The following PBX3 variants were observed in gnomAD, a reference collection of about 807,000 sequenced individuals.
The protein encoded by PBX3 is pre-B-cell leukemia transcription factor 3.
PBX3 carries 14 observed loss-of-function variants against 48.5 expected under a neutral mutation model. The ratio of observed to expected loss-of-function variants is 0.29; its 90% confidence interval spans 0.19 to 0.45. The LOEUF (loss-of-function observed/expected upper bound fraction) is 0.45. PBX3 is among the 20% of genes least tolerant of loss of function. PBX3 has a pLI of 1.00. For synonymous variants in PBX3, 210 were observed against 200.3 expected, an observed-to-expected ratio of 1.05 and a Z score of -0.41; for missense variants, 386 against 546.7, an observed-to-expected ratio of 0.71 and a Z score of 2.93.
At chr9:125,780,800 G>A (rs1275344846) in intron 2 of PBX3, among the ~76,000 whole-genome samples, 1 of 148,180 alleles carries the variant, frequency 6.7e-6, no homozygotes, top group Non-Finnish European at 1.5e-5. Flanking sequence ...CCTCCCGGAC[G>A]GGGCGGCTGC....
At chr9:125,833,356 C>T (rs575961498) in intron 2 of PBX3, among the ~76,000 whole-genome samples, 1 of 152,054 alleles carries the variant, frequency 6.6e-6, no homozygotes, top group South Asian at 2.1e-4. Context: ...TGGTGGTGCA[C>T]ACCTGTAGTC....
intron 2 of PBX3, among the ~76,000 whole-genome samples, chr9:125,882,011 G>A (rs1588255320): frequency 1.3e-5 from 2 of 151,188 alleles, no homozygotes; most frequent in African/African-American, 4.9e-5. Flanking sequence ...GACCAGGCTG[G>A]GCAACATAAT....
intron 2 of PBX3, among the ~76,000 whole-genome samples, chr9:125,829,608 C>T (rs971233292): frequency 4.6e-5 from 7 of 152,082 alleles, no homozygotes; most frequent in Non-Finnish European, 1.0e-4. Flanking sequence ...AATATTTCCT[C>T]CATTCACTTT....
chr9:125,810,248 A>G (rs1214940956), intron 2 of PBX3, among the ~76,000 whole-genome samples: 2 of 152,160 alleles, frequency 1.3e-5, no homozygotes, highest in Non-Finnish European at 2.9e-5. Context: ...GTTCTAACTT[A>G]TTATGACTCA....
chr9:125,802,252 C>T (rs1837974331), intron 2 of PBX3, among the ~76,000 whole-genome samples: 1 of 151,770 alleles, frequency 6.6e-6, no homozygotes, highest in Non-Finnish European at 1.5e-5. Flanking sequence ...AGTTTTTCAG[C>T]CCCTGTCCCC....
At chr9:125,809,323 G>T (rs1002290605) in intron 2 of PBX3, among the ~76,000 whole-genome samples, 3 of 152,062 alleles carry the variant, frequency 2.0e-5, no homozygotes, top group African/African-American at 7.2e-5. Flanking sequence ...AATATAGAGT[G>T]ACTTTATTTT....
At chr9:125,820,985 AT>A (rs1838634950) in intron 2 of PBX3, among the ~76,000 whole-genome samples, 1 of 152,226 alleles carries the variant, frequency 6.6e-6, no homozygotes, top group Non-Finnish European at 1.5e-5. Context: ...TTTTATACTA[AT>A]CATAAATGTA....
intron 2 of PBX3, among the ~76,000 whole-genome samples, chr9:125,855,961 A>G (rs1476784059): frequency 3.9e-5 from 6 of 152,134 alleles, no homozygotes; most frequent in Non-Finnish European, 7.4e-5. Flanking sequence ...GTTTAAATCT[A>G]TATGATTTTT....
chr9:125,966,607 T>G lies in PBX3; in HGVS notation c.*684T>G, dbSNP rs151283697. 2.9e-3 allele frequency: 446 copies of G among 152,820 alleles called. 4 individuals are homozygous for G. Among genetic ancestry groups the G allele is most frequent in the South Asian group, 0.012 (60 of 4,828 alleles). The allele number at this position is 152,820 out of a possible 1,614,324, so 9.5% of individuals were successfully genotyped here. A position where few individuals can be genotyped will look rare whatever the true frequency, so the allele number is the denominator to read the frequency against. On this transcript the variant is annotated 3_prime_UTR_variant, in exon 9 of 9. Transcript: ENST00000373489. The stretch of plus-strand genomic sequence containing the variant: ...GCTGCTGATAGAGGTGAAAACGAGA[T>G]TGATCCGTCTGGGGTTTTACGGTGT...
chr9:125,749,167 A>C (rs1281495255), intron 2 of PBX3: 1 of 153,506 alleles, frequency 6.5e-6, no homozygotes, highest in Non-Finnish European at 1.5e-5. Flanking sequence ...CATACGATGT[A>C]TTACATCTGT....
At chr9:125,850,767 A>T (rs1016014575) in intron 2 of PBX3, among the ~76,000 whole-genome samples, 3 of 152,128 alleles carry the variant, frequency 2.0e-5, no homozygotes, top group African/African-American at 7.2e-5. Flanking sequence ...AAACTGTTTG[A>T]GAAAATCAAC....
At chr9:125,792,871 G>GT (rs1837652378) in intron 2 of PBX3, among the ~76,000 whole-genome samples, 1 of 151,002 alleles carries the variant, frequency 6.6e-6, no homozygotes, top group Non-Finnish European at 1.5e-5. Context: ...GCTAATTTTT[G>GT]TATTTTTTAG....
chr9:125,748,021 C>T (rs868034636), intron 1 of PBX3, among the ~76,000 whole-genome samples: 65 of 151,608 alleles, frequency 4.3e-4, no homozygotes, highest in African/African-American at 1.3e-3. Flanking sequence ...GTCCCGGCGC[C>T]GGCTCCCGCG....
At chr9:125,787,890 G>T (rs1249183698) in intron 2 of PBX3, among the ~76,000 whole-genome samples, 1 of 152,158 alleles carries the variant, frequency 6.6e-6, no homozygotes, top group Non-Finnish European at 1.5e-5. Context: ...TGTGGCCCTG[G>T]GAGCTTGTGT....
rs569771460 is a variant in PBX3 at position 125,782,854 on chromosome 9, C to A, written c.274+34231C>A. Among the ~76,000 whole-genome samples, 5 of 151,480 alleles carry A rather than the reference C, an allele frequency of 3.3e-5. No homozygotes were observed. In the East Asian group the frequency reaches 9.7e-4, roughly 29 times the overall value. ...ATTCTTAGTAGGCAGGTTTTTTTTT[C>A]TTTCAGCACTTTAAATATGTTGTCC... is the stretch of plus-strand genomic sequence containing the variant. On this transcript the variant is annotated intron_variant, in intron 2 of 8. Coordinates refer to ENST00000373489, the MANE Select transcript of PBX3 (RefSeq NM_006195.6).
rs1842458252 is a variant in PBX3 at position 125,962,877 on chromosome 9, C to T, written c.1123-135C>T. The T allele has an allele frequency of 2.0e-5, 9 of 457,706 alleles. No individual in the cohort carries two copies. The South Asian group carries it at 4.1e-4, about 21-fold the overall frequency. The allele number at this position is 457,706 out of a possible 1,614,324, so 28.4% of individuals were successfully genotyped here. A position where few individuals can be genotyped will look rare whatever the true frequency, so the allele number is the denominator to read the frequency against. On this transcript the variant is annotated intron_variant, in intron 7 of 8. Coordinates refer to ENST00000373489, the MANE Select transcript of PBX3 (RefSeq NM_006195.6). ...AGAATGGTTGAAATTCTGCCAGTCA[C>T]ATTTGATTGATAAATTTGTCTTTCA...
chr9:125,819,302 G>A (rs926246411), intron 2 of PBX3, among the ~76,000 whole-genome samples: 5 of 151,922 alleles, frequency 3.3e-5, no homozygotes, highest in Non-Finnish European at 7.4e-5. Context: ...GCCTAGGTGG[G>A]CGGATCACCT....
intron 2 of PBX3, among the ~76,000 whole-genome samples, chr9:125,780,220 T>G (rs1203523405): frequency 0.034 from 1,608 of 46,920 alleles, no homozygotes; most frequent in Middle Eastern, 0.04. Context: ...CCCGGACGGG[T>G]CGGCTGGCCG....
intron 2 of PBX3, among the ~76,000 whole-genome samples, chr9:125,878,250 C>G (rs1383872001): frequency 6.6e-6 from 1 of 152,148 alleles, no homozygotes; most frequent in African/African-American, 2.4e-5. Context: ...TGGCAGCAAG[C>G]ACAGTGAAAT....
Sources: gnomAD v4.1 joint callset for allele counts (sites outside exome capture counted in the v4.1 genomes callset) on GRCh38, gnomAD v4.1.1 for gene constraint, MANE v1.5 for transcripts, NCBI Gene and HGNC (gene_info 2026-07-23, HGNC 2026-07-21) for gene names.